The following HDAC4 variants were observed in gnomAD, a reference collection of about 807,000 sequenced individuals.
The protein encoded by HDAC4 is histone deacetylase A.
Under a neutral mutation model 135.1 loss-of-function variants are expected in HDAC4, and 16 were observed. That is an observed-to-expected ratio of 0.12 (90% CI 0.08 to 0.18). The LOEUF (loss-of-function observed/expected upper bound fraction) is 0.18, where lower values mean the gene tolerates loss of function less well. HDAC4 is among the 10% of genes least tolerant of loss of function. The probability of loss-of-function intolerance (pLI) is 1.00; values close to 1 mark genes in which losing one functional copy is unlikely to be tolerated. For missense variants in HDAC4, 1,143 were observed against 1,511.8 expected, an observed-to-expected ratio of 0.76 and a Z score of 4.05; for synonymous variants, 685 against 653.4, an observed-to-expected ratio of 1.05 and a Z score of -0.74.
chr2:239,134,789 G>C (rs1042014836), intron 9 of HDAC4, 146 bp from the exon 10 acceptor site: 7 of 716,830 alleles, frequency 9.8e-6, no homozygotes, highest in Admixed American at 2.0e-5. Context: ...ACAGCAATGA[G>C]AGCATGAGAT....
chr2:239,334,710 A>T (rs1221250477), intron 2 of HDAC4, among the ~76,000 whole-genome samples: 2 of 152,050 alleles, frequency 1.3e-5, no homozygotes, highest in Non-Finnish European at 2.9e-5. Flanking sequence ...TTCTGTTGAA[A>T]TTGAAAAGCT....
chr2:239,066,019 T>C (rs1294446781), intron 24 of HDAC4, among the ~76,000 whole-genome samples: 5 of 152,342 alleles, frequency 3.3e-5, no homozygotes, highest in Admixed American at 6.5e-5. Flanking sequence ...TTGGTAGCTG[T>C]GGCACTGCCT....
At position 239,115,290 on chromosome 2, in the gene HDAC4, C is replaced by G; in HGVS notation, c.1554G>C (p.Glu518Asp). Reference sequence around the variant, plus strand: ...GGTGGCTCTCCGGCTGCCGGGCTGGCTCGCTTGGCTTGGGGATGATCTGCA... The same window carrying G: ...GGTGGCTCTCCGGCTGCCGGGCTGGGTCGCTTGGCTTGGGGATGATCTGCA... ...QMNKIIPKPS[E>D]PARQPESHPE... Residue 518 changes from glutamate to aspartate, a missense_variant, in exon 13 of 27, where the codon GAG becomes GAC. By Grantham distance (45) the Glu-to-Asp change is conservative. Coordinates refer to ENST00000543185, the MANE Select transcript of HDAC4 (RefSeq NM_001378414.1). This position sits in a 1 kb window ranked among gnomAD's most constrained non-coding sequence, Gnocchi z 6.3. 6.2e-7 allele frequency: 1 copy of G among 1,613,306 alleles called. No individual in the cohort carries two copies. The highest frequency in any genetic ancestry group is 1.1e-5 in the South Asian group (1 of 91,066).
intron 2 of HDAC4, among the ~76,000 whole-genome samples, chr2:239,256,916 A>C (rs898977297): frequency 2.6e-5 from 4 of 152,240 alleles, no homozygotes; most frequent in Non-Finnish European, 4.4e-5. Context: ...AATCGGATCC[A>C]CTAGACCAAG....
chr2:239,111,322 A>G (rs969945722), intron 14 of HDAC4, among the ~76,000 whole-genome samples: 5 of 152,222 alleles, frequency 3.3e-5, no homozygotes, highest in African/African-American at 1.2e-4. Flanking sequence ...ACAGGTCCCC[A>G]GCATGACAGA....
chr2:239,177,366 A>G (rs2043840849), intron 4 of HDAC4, among the ~76,000 whole-genome samples: 1 of 152,226 alleles, frequency 6.6e-6, no homozygotes, highest in African/African-American at 2.4e-5. Flanking sequence ...CGCTGGCTCA[A>G]TCAGTGGAGG....
intron 17 of HDAC4, chr2:239,091,087 G>A (rs548489815): frequency 3.6e-4 from 55 of 152,374 alleles, no homozygotes; most frequent in African/African-American, 1.2e-3. Flanking sequence ...GACAGAAAAC[G>A]TGTTTCACAC....
Position 239,300,713 on chromosome 2 carries a change from C to G in HDAC4, c.22+51965G>C, listed in dbSNP as rs990246943. Among the ~76,000 whole-genome samples, 12 of 152,208 alleles carry G rather than the reference C, an allele frequency of 7.9e-5. 1 individual carries two copies. Among genetic ancestry groups the G allele is most frequent in the Admixed American group, 7.2e-4 (11 of 15,280 alleles). On this transcript the variant is annotated intron_variant, in intron 2 of 26. Coordinates refer to ENST00000543185, the MANE Select transcript of HDAC4 (RefSeq NM_001378414.1). ...AGCACACCTTTGTTTCCCGGAGAAC[C>G]CCAGGAGCTGTAAAAACACCCGAAC... is the stretch of plus-strand genomic sequence containing the variant.
intron 14 of HDAC4, among the ~76,000 whole-genome samples, chr2:239,110,472 C>G (rs944560738): frequency 6.6e-6 from 1 of 152,126 alleles, no homozygotes; most frequent in African/African-American, 2.4e-5. Context: ...AGTCAGCTGC[C>G]CAGGACTTGT....
At chr2:239,359,525 G>C (rs1693729625) in intron 1 of HDAC4, among the ~76,000 whole-genome samples, 1 of 152,248 alleles carries the variant, frequency 6.6e-6, no homozygotes, top group African/African-American at 2.4e-5. Context: ...GTCGGGTCTA[G>C]GATAGGCCGA....
intron 18 of HDAC4, 151 bp downstream of exon 18, chr2:239,089,858 C>T (rs567763834): frequency 1.9e-5 from 13 of 679,588 alleles, no homozygotes; most frequent in Admixed American, 2.1e-5. Flanking sequence ...GATTCAATAG[C>T]GAGGCTGTGC....
At chr2:239,321,963 C>T (rs915465009) in intron 2 of HDAC4, among the ~76,000 whole-genome samples, 11 of 152,186 alleles carry the variant, frequency 7.2e-5, no homozygotes, top group South Asian at 6.2e-4. Context: ...AATGAAGCAA[C>T]GAAAGCACAG....
chr2:239,243,924 G>A lies in HDAC4; in HGVS notation c.23-7260C>T, dbSNP rs151113572. ...CCTGGTGCCCATTTTCTGTCCTAGC[G>A]CCCATCCAGGGTCCTGCCTCTCTTG... On this transcript the variant is annotated intron_variant, in intron 2 of 26. Coordinates refer to ENST00000543185, the MANE Select transcript of HDAC4 (RefSeq NM_001378414.1). 4.5e-4 allele frequency among the ~76,000 whole-genome samples: 68 copies of A among 152,234 alleles called. 1 individual carries two copies. The highest frequency in any genetic ancestry group is 1.5e-3 in the African/African-American group (61 of 41,540).
At chr2:239,384,527 A>G (rs1408620239) in intron 1 of HDAC4, among the ~76,000 whole-genome samples, 2 of 151,718 alleles carry the variant, frequency 1.3e-5, no homozygotes, top group African/African-American at 2.4e-5. Context: ...TGAGGCAGGC[A>G]GATGGAGAGA....
chr2:239,310,431 G>C (rs1372444349), intron 2 of HDAC4, among the ~76,000 whole-genome samples: 1 of 152,166 alleles, frequency 6.6e-6, no homozygotes, highest in Non-Finnish European at 1.5e-5. Flanking sequence ...TCACAGAGTA[G>C]CTTCAACAGA....
At chr2:239,259,634 G>T (rs758646683) in intron 2 of HDAC4, among the ~76,000 whole-genome samples, 6 of 152,104 alleles carry the variant, frequency 3.9e-5, no homozygotes, top group Non-Finnish European at 8.8e-5. Flanking sequence ...GAAACAAACG[G>T]AAATTAAACT....
chr2:239,324,189 G>A (rs1335300669), intron 2 of HDAC4, among the ~76,000 whole-genome samples: 2 of 152,180 alleles, frequency 1.3e-5, no homozygotes, highest in African/African-American at 4.8e-5. Context: ...TAGAGTACTT[G>A]GACAATCCTG....
At chr2:239,086,583 CG>C (rs2035984466) in intron 19 of HDAC4, among the ~76,000 whole-genome samples, 1 of 152,218 alleles carries the variant, frequency 6.6e-6, no homozygotes, top group African/African-American at 2.4e-5. Context: ...CTCTAACACG[CG>C]GATCTGACTA....
chr2:239,221,585 C>T (rs1296952909), intron 3 of HDAC4, among the ~76,000 whole-genome samples: 5 of 151,630 alleles, frequency 3.3e-5, no homozygotes, highest in Admixed American at 1.3e-4. Flanking sequence ...CCTCGAGTTG[C>T]GCCTCAAAGT....
Sources: gnomAD v4.1 joint callset for allele counts (sites outside exome capture counted in the v4.1 genomes callset) on GRCh38, gnomAD v4.1.1 for gene constraint, Gnocchi (gnomAD v3.1) non-coding constraint, MANE v1.5 for transcripts, NCBI Gene and HGNC (gene_info 2026-07-23, HGNC 2026-07-21) for gene names.